Variants in ZNF507 observed in about 807,000 individuals in gnomAD.
ZNF507 encodes zinc finger protein 507.
In ZNF507, 29 loss-of-function variants were observed where a neutral mutation model predicts 80.0. The ratio of observed to expected loss-of-function variants is 0.36; its 90% CI spans 0.27 to 0.49. The LOEUF (loss-of-function observed/expected upper bound fraction) is 0.49. Ranked by LOEUF, ZNF507 falls within the 20% of genes least tolerant of loss-of-function variation. The probability of loss-of-function intolerance (pLI) is 0.98; values close to 1 mark genes in which losing one functional copy is unlikely to be tolerated. For missense variants in ZNF507, 1,081 were observed against 1,152.2 expected (o/e 0.94, Z 0.90); for synonymous variants, 462 against 422.5 (o/e 1.09, Z -1.15).
At chr19:32,356,100 A>G (rs1248895935) in intron 3 of ZNF507, among the ~76,000 whole-genome samples, 1 of 152,224 alleles carries the variant, frequency 6.6e-6, no homozygotes, top group African/African-American at 2.4e-5. Flanking sequence ...CATAGGCTGC[A>G]AAGACAAGTT....
At chr19:32,364,542 G>A (rs928217953) in intron 5 of ZNF507, among the ~76,000 whole-genome samples, 7 of 151,944 alleles carry the variant, frequency 4.6e-5, no homozygotes, top group African/African-American at 9.7e-5. Flanking sequence ...ATGCCTTTGC[G>A]TCCTCATAGC....
At chr19:32,349,109 C>A (rs1967130837) in intron 2 of ZNF507, among the ~76,000 whole-genome samples, 1 of 152,138 alleles carries the variant, frequency 6.6e-6, no homozygotes, top group African/African-American at 2.4e-5. Flanking sequence ...TGGAGAGCAG[C>A]CTACCTGGAA....
chr19:32,374,575 G>A (rs910372855), intron 5 of ZNF507, among the ~76,000 whole-genome samples: 1 of 151,064 alleles, frequency 6.6e-6, no homozygotes, highest in African/African-American at 2.4e-5. Flanking sequence ...TCTGCCTCCC[G>A]GGTTCAAGAG....
At chr19:32,372,511 C>T (rs1012275589) in intron 5 of ZNF507, among the ~76,000 whole-genome samples, 4 of 152,044 alleles carry the variant, frequency 2.6e-5, no homozygotes, top group African/African-American at 9.7e-5. Context: ...GTCAGTTCTG[C>T]AGGCCGAAAA....
At chr19:32,370,815 C>T (rs538993361) in intron 5 of ZNF507, among the ~76,000 whole-genome samples, 3 of 152,222 alleles carry the variant, frequency 2.0e-5, no homozygotes, top group South Asian at 2.1e-4. Flanking sequence ...GCCACTGCAG[C>T]GAGATTTTTC....
intron 5 of ZNF507, among the ~76,000 whole-genome samples, chr19:32,363,583 C>T (rs1311498888): frequency 1.3e-5 from 2 of 152,140 alleles, no homozygotes; most frequent in Non-Finnish European, 2.9e-5. Flanking sequence ...TTTCACCTCT[C>T]TGTGCTGCTT....
chr19:32,365,797 G>GGGGGACAGCATGATGTCAA lies in ZNF507; in HGVS notation c.2360+5183_2360+5201dup, dbSNP rs1967390692. ...TAGGTTCTGAAACTGTACTGTGGCA[G>GGGGGACAGCATGATGTCAA]GGGGACAGCATGATGTCAAGGGAAG... On this transcript the variant is annotated intron_variant, in intron 5 of 6. Coordinates refer to ENST00000355898, the MANE Select transcript of ZNF507 (RefSeq NM_001136156.2). Among the ~76,000 whole-genome samples the GGGGGACAGCATGATGTCAA allele has an allele frequency of 2.0e-5, 3 of 152,260 alleles. No individual in the cohort carries two copies. In the South Asian group the frequency reaches 6.2e-4, roughly 32 times the overall value.
At chr19:32,357,094 T>C (rs1336729308) in intron 4 of ZNF507, 1 of 167,650 alleles carries the variant, frequency 6.0e-6, no homozygotes. Flanking sequence ...AGAACAGAGC[T>C]TTTGCAGATG....
At chr19:32,364,887 T>G (rs1218880065) in intron 5 of ZNF507, among the ~76,000 whole-genome samples, 2 of 152,212 alleles carry the variant, frequency 1.3e-5, no homozygotes, top group African/African-American at 4.8e-5. Context: ...TTAAGGAATC[T>G]CTACACTGTT....
Position 32,382,818 on chromosome 19 carries a change from T to G in ZNF507, c.2597T>G (p.Leu866Arg). ...GAAAATGCAGTGTCATCTTCAGAAC[T>G]GATGTCCCAGACTCCCAGTGAAGTT... ...SSENAVSSSELMSQTPSEVLG... is the reference protein window; with the variant it reads ...SSENAVSSSERMSQTPSEVLG... The change falls in exon 7 of 7, where the codon CTG becomes CGG. Residue 866 changes from leucine to arginine, a missense_variant. By Grantham distance (102) the Leu-to-Arg change is moderately radical. This residue lies in a region of ZNF507 where 138 missense variants were observed against 158.4 expected (regional missense o/e 0.87). Transcript: ENST00000355898. 6.2e-7 allele frequency: 1 copy of G among 1,614,174 alleles called. No homozygotes were observed.
rs1234454353 is a variant in ZNF507, at chr19:32,353,855, C to T, written c.1025C>T (p.Ala342Val). 1 of 1,614,162 alleles carries T rather than the reference C, an allele frequency of 6.2e-7. No homozygotes were observed. The highest frequency in any genetic ancestry group is 1.1e-5 in the South Asian group (1 of 91,084). Residue 342 changes from alanine to valine, a missense_variant, in exon 3 of 7, where the codon GCA (alanine) becomes GTA (valine). By Grantham distance (64) the Ala-to-Val change is moderately conservative. This residue lies in a region of ZNF507 where 614 missense variants were observed against 583.9 expected (regional missense o/e 1.05). Transcript: ENST00000355898. ...LSSSSPLEQS[A>V]ERGVHLSQSV... The stretch of plus-strand genomic sequence containing the variant: ...TCTTCATCTCCTTTAGAACAGAGTG[C>T]AGAAAGAGGAGTACACCTAAGTCAG...
At position 32,352,878 on chromosome 19, in the gene ZNF507, AC is replaced by A. The variant is rs766402079; in HGVS notation, c.49del (p.Gln17ArgfsTer5). On this transcript the variant is annotated frameshift_variant, in exon 3 of 7. Coordinates refer to ENST00000355898, the MANE Select transcript of ZNF507 (RefSeq NM_001136156.2). LOFTEE classifies it high-confidence loss of function. Reference sequence around the variant, plus strand: ...CCATGTTGGTGCCAGATATTGGGGAACAGGAAGCTATACTGACTGCTGAAAG... The same window carrying A: ...CCATGTTGGTGCCAGATATTGGGGAAAGGAAGCTATACTGACTGCTGAAAG... ...VAMLVPDIGE[Q>X]EAILTAESII... 1.9e-6 allele frequency: 3 copies of A among 1,601,884 alleles called. No homozygotes were observed. In the South Asian group the frequency reaches 3.4e-5, roughly 18 times the overall value.
rs1422968028 is a variant in ZNF507, at chr19:32,385,441, G to A, written c.*2358G>A. 1 of 152,188 alleles carries A rather than the reference G, an allele frequency of 6.6e-6. No individual in the cohort carries two copies. Among genetic ancestry groups the A allele is most frequent in the Non-Finnish European group, 1.5e-5 (1 of 68,040 alleles). The allele number at this position is 152,188 out of a possible 1,614,324, so 9.4% of individuals were successfully genotyped here. A position where few individuals can be genotyped will look rare whatever the true frequency, so the allele number is the denominator to read the frequency against. On this transcript the variant is annotated 3_prime_UTR_variant, in exon 7 of 7. Coordinates refer to ENST00000355898, the MANE Select transcript of ZNF507 (RefSeq NM_001136156.2). ...TTGTGGCAAGCCTTAAGTTAACAAT[G>A]TGTCTACCAAGAACAATTGAGTTTT...
chr19:32,355,261 C>T (rs992074200), intron 3 of ZNF507, among the ~76,000 whole-genome samples: 4 of 152,008 alleles, frequency 2.6e-5, no homozygotes, highest in African/African-American at 9.7e-5. Flanking sequence ...AGTGGATTGA[C>T]ATACGTTTGA....
rs369404619 is a variant in ZNF507, at chr19:32,385,819, T to G, written c.*2736T>G. ...TGACAGATGAGGTCCTCTGTTTACC[T>G]CCCCCCCCAAAAAAAAAATTCAGTA... On this transcript the variant is annotated 3_prime_UTR_variant, in exon 7 of 7. Transcript: ENST00000355898. 3 of 149,990 alleles carry G rather than the reference T, an allele frequency of 2.0e-5. No homozygotes were observed. The South Asian group carries it at 6.3e-4, about 32-fold the overall frequency. The allele number at this position is 149,990 out of a possible 1,614,324, so 9.3% of individuals were successfully genotyped here.
rs193001215 is a variant in ZNF507 at position 32,380,386 on chromosome 19, G to A, written c.2361-2081G>A. 6.5e-4 allele frequency among the ~76,000 whole-genome samples: 98 copies of A among 151,824 alleles called. No individual in the cohort carries two copies. In the East Asian group the frequency reaches 0.019, roughly 29 times the overall value. ...AAAAAGAACTAACTGCCTGTTTATT[G>A]CCTGTTAAGTGGGCTGGTATTTCTT... On this transcript the variant is annotated intron_variant, in intron 5 of 6. Transcript: ENST00000355898.
intron 5 of ZNF507, among the ~76,000 whole-genome samples, chr19:32,378,703 G>C (rs574886873): frequency 6.6e-6 from 1 of 151,412 alleles, no homozygotes; most frequent in Non-Finnish European, 1.5e-5. Context: ...ATTTTTAAAA[G>C]GTTGGAATAA....
chr19:32,354,695 A>T lies in ZNF507; in HGVS notation c.1865A>T (p.Asp622Val). 6.2e-7 allele frequency: 1 copy of T among 1,614,206 alleles called. No individual in the cohort carries two copies. Residue 622 changes from aspartate (D) to valine (V), a missense_variant, in exon 3 of 7, where the codon GAT becomes GTT. Transcript: ENST00000355898. ...QDNAQCQPNS[D>V]TSLSGNNVVE... ...AACGCCCAGTGCCAACCCAACAGCG[A>T]TACAAGTTTGTCCGGAAACAATGTG...
chr19:32,347,226 C>T lies in ZNF507; in HGVS notation c.-96-19C>T, dbSNP rs922433926. ...AAGAGAAATGTTTTGATACTATATACTTTCGTTCTTGGCCACAGCTGGATT... is the reference window on the plus strand; with the variant it reads ...AAGAGAAATGTTTTGATACTATATATTTTCGTTCTTGGCCACAGCTGGATT... On this transcript the variant is annotated intron_variant, in intron 1 of 6. Coordinates refer to ENST00000355898, the MANE Select transcript of ZNF507 (RefSeq NM_001136156.2). 2.0e-5 allele frequency: 3 copies of T among 152,376 alleles called. No individual in the cohort carries two copies. The highest frequency in any genetic ancestry group is 4.8e-5 in the African/African-American group (2 of 41,358). The allele number at this position is 152,376 out of a possible 1,614,324, so 9.4% of individuals were successfully genotyped here.
Sources: gnomAD v4.1 joint callset for allele counts (sites outside exome capture counted in the v4.1 genomes callset) on GRCh38, gnomAD v4.1.1 for gene constraint, gnomAD v4.1.1 regional missense constraint, MANE v1.5 for transcripts, NCBI Gene and HGNC (gene_info 2026-07-23, HGNC 2026-07-21) for gene names.